The following ST6GALNAC3 variants were observed in gnomAD, a reference collection of about 807,000 sequenced individuals.
The protein encoded by ST6GALNAC3 is ST6 N-acetylgalactosaminide alpha-2,6-sialyltransferase 3.
A neutral mutation model predicts 32.7 loss-of-function variants in ST6GALNAC3; 25 were observed. The ratio of observed to expected loss-of-function variants is 0.76; its 90% confidence interval spans 0.56 to 1.07. The LOEUF (loss-of-function observed/expected upper bound fraction) is 1.07. ST6GALNAC3 is among the 50% of genes least tolerant of loss of function. The pLI, the probability that ST6GALNAC3 is intolerant of heterozygous loss-of-function variation, is 0.00. For synonymous variants in ST6GALNAC3, 129 were observed against 133.1 expected (o/e 0.97, Z 0.21); for missense variants, 355 against 382.4 (o/e 0.93, Z 0.60).
intron 3 of ST6GALNAC3, among the ~76,000 whole-genome samples, chr1:76,501,672 C>T (rs538371052): frequency 3.0e-4 from 45 of 152,076 alleles, no homozygotes; most frequent in Non-Finnish European, 5.1e-4. Flanking sequence ...ATAAGGACAC[C>T]TCAAAAGGAA....
At chr1:76,562,687 T>C (rs1665315257) in intron 3 of ST6GALNAC3, among the ~76,000 whole-genome samples, 1 of 152,246 alleles carries the variant, frequency 6.6e-6, no homozygotes, top group Non-Finnish European at 1.5e-5. Context: ...CTACCCATTG[T>C]CTTTCATTGT....
chr1:76,152,276 C>G (rs941969175), intron 1 of ST6GALNAC3, among the ~76,000 whole-genome samples: 2 of 152,166 alleles, frequency 1.3e-5, no homozygotes, highest in Non-Finnish European at 2.9e-5. Flanking sequence ...CACTGCTGAT[C>G]CATCCTAGAA....
chr1:76,486,365 C>G (rs1399564373), intron 3 of ST6GALNAC3, among the ~76,000 whole-genome samples: 5 of 152,100 alleles, frequency 3.3e-5, no homozygotes, highest in African/African-American at 1.2e-4. Context: ...GTCTAAGTCT[C>G]TTTGTAGGTC....
chr1:76,074,997 C>A, intron 1 of ST6GALNAC3, 113 bp downstream of exon 1: 1 of 1,377,576 alleles, frequency 7.3e-7, no homozygotes, highest in South Asian at 1.3e-5. Context: ...CTTTTCCTGG[C>A]ATTGATTTTC....
intron 3 of ST6GALNAC3, among the ~76,000 whole-genome samples, chr1:76,427,555 A>G (rs137887962): frequency 1.3e-5 from 2 of 152,130 alleles, no homozygotes; most frequent in Admixed American, 1.3e-4. Context: ...CTATATGAGT[A>G]CATATCTATC....
At position 76,237,257 on chromosome 1, in the gene ST6GALNAC3, C is replaced by T. The variant is rs552598037; in HGVS notation, c.19-76548C>T. On this transcript the variant is annotated intron_variant, in intron 1 of 4. Transcript: ENST00000328299. ...CAAGGGATTCTCCTGCCTCAGCCTC[C>T]CAGGTAGCTGGGACTACAGATGCCC... is the stretch of plus-strand genomic sequence containing the variant. Among the ~76,000 whole-genome samples, 5 of 152,304 alleles carry T rather than the reference C, an allele frequency of 3.3e-5. 1 individual carries two copies. The South Asian group carries it at 6.2e-4, about 19-fold the overall frequency.
At chr1:76,154,798 T>C (rs899684916) in intron 1 of ST6GALNAC3, among the ~76,000 whole-genome samples, 1 of 152,108 alleles carries the variant, frequency 6.6e-6, no homozygotes, top group East Asian at 1.9e-4. Flanking sequence ...TAAGACTGCA[T>C]GCAGGCAAGG....
chr1:76,536,435 A>G (rs1051565776), intron 3 of ST6GALNAC3, among the ~76,000 whole-genome samples: 1 of 152,090 alleles, frequency 6.6e-6, no homozygotes, highest in Non-Finnish European at 1.5e-5. Flanking sequence ...TGGTGTCAAG[A>G]AGGAGAAGTG....
chr1:76,260,854 C>T (rs1341055708), intron 1 of ST6GALNAC3, among the ~76,000 whole-genome samples: 2 of 151,966 alleles, frequency 1.3e-5, no homozygotes, highest in African/African-American at 2.4e-5. Flanking sequence ...TTAAACCTAA[C>T]AATAAACCAA....
chr1:76,357,950 A>AT (rs1417364206), intron 2 of ST6GALNAC3, among the ~76,000 whole-genome samples: 3 of 152,000 alleles, frequency 2.0e-5, no homozygotes, highest in African/African-American at 4.8e-5. Flanking sequence ...TAATAGGCAA[A>AT]TTTTTTCAGT....
chr1:76,141,261 C>A (rs1413522151), intron 1 of ST6GALNAC3, among the ~76,000 whole-genome samples: 1 of 152,192 alleles, frequency 6.6e-6, no homozygotes, highest in African/African-American at 2.4e-5. Flanking sequence ...GTTCTTAGAA[C>A]TATCTCCATT....
intron 1 of ST6GALNAC3, among the ~76,000 whole-genome samples, chr1:76,116,149 G>C (rs1214023574): frequency 6.6e-6 from 1 of 152,116 alleles, no homozygotes; most frequent in Non-Finnish European, 1.5e-5. Flanking sequence ...TGGATAGAGA[G>C]TGTGTGTGAC....
intron 3 of ST6GALNAC3, among the ~76,000 whole-genome samples, chr1:76,438,192 C>T (rs1317298372): frequency 6.6e-6 from 1 of 151,188 alleles, no homozygotes; most frequent in Non-Finnish European, 1.5e-5. Flanking sequence ...CGCTGTGTCA[C>T]CCAGGCTGGA....
At chr1:76,079,862 C>T (rs1448931056) in intron 1 of ST6GALNAC3, among the ~76,000 whole-genome samples, 1 of 152,228 alleles carries the variant, frequency 6.6e-6, no homozygotes, top group Non-Finnish European at 1.5e-5. Flanking sequence ...CATCTGTGGT[C>T]AGGCCATCCC....
At chr1:76,507,862 C>T (rs1312756693) in intron 3 of ST6GALNAC3, among the ~76,000 whole-genome samples, 1 of 152,168 alleles carries the variant, frequency 6.6e-6, no homozygotes, top group African/African-American at 2.4e-5. Context: ...GACTGTTTTT[C>T]AAAGCAGCTG....
At chr1:76,142,740 G>A (rs1203638898) in intron 1 of ST6GALNAC3, 1 of 390,138 alleles carries the variant, frequency 2.6e-6, no homozygotes, top group East Asian at 7.6e-5. Flanking sequence ...TAGCAGTGAG[G>A]AGCGTCCAGC....
chr1:76,191,965 C>A (rs1049361248), intron 1 of ST6GALNAC3, among the ~76,000 whole-genome samples: 7 of 152,052 alleles, frequency 4.6e-5, no homozygotes, highest in Non-Finnish European at 1.0e-4. Context: ...CAGAAAAGTT[C>A]AGGGCCCCTT....
At chr1:76,576,827 C>G (rs1646816978) in intron 3 of ST6GALNAC3, 3 of 1,304,478 alleles carry the variant, frequency 2.3e-6, no homozygotes, top group Admixed American at 2.3e-5. Context: ...CATTTCTTCT[C>G]CATTCCCATG....
intron 2 of ST6GALNAC3, among the ~76,000 whole-genome samples, chr1:76,364,519 C>T (rs2101060608): frequency 6.6e-6 from 1 of 152,158 alleles, no homozygotes; most frequent in South Asian, 2.1e-4. Context: ...TGGCACTGCA[C>T]TCCAGCCTGG....
Sources: allele counts gnomAD v4.1 joint callset (sites outside exome capture counted in the v4.1 genomes callset), GRCh38; gene constraint gnomAD v4.1.1; transcripts MANE v1.5; gene names NCBI Gene and HGNC (gene_info 2026-07-23, HGNC 2026-07-21).